The following MAP4K5 variants were observed in gnomAD, a reference collection of about 807,000 sequenced individuals.
MAP4K5 encodes the protein MAPK/ERK kinase kinase kinase 5.
Under a neutral mutation model 135.6 loss-of-function variants are expected in MAP4K5, and 82 were observed. The ratio of observed to expected loss-of-function variants is 0.60; its 90% CI spans 0.51 to 0.73. The LOEUF is 0.73. Ranked by LOEUF, MAP4K5 falls within the 30% of genes least tolerant of loss-of-function variation. The pLI, the probability that MAP4K5 is intolerant of heterozygous loss-of-function variation, is 0.00. For synonymous variants in MAP4K5, 347 were observed against 335.0 expected (o/e 1.04, Z -0.39); for missense variants, 907 against 1,010.9 (o/e 0.90, Z 1.39).
intron 5 of MAP4K5, among the ~76,000 whole-genome samples, chr14:50,485,338 A>G (rs1360057233): frequency 2.0e-5 from 3 of 152,118 alleles, no homozygotes; most frequent in Non-Finnish European, 4.4e-5. Flanking sequence ...TTTCCTAGAG[A>G]TATCTAAAGA....
At chr14:50,516,490 A>ATC (rs776388582) in intron 2 of MAP4K5, among the ~76,000 whole-genome samples, 1 of 152,254 alleles carries the variant, frequency 6.6e-6, no homozygotes, top group Non-Finnish European at 1.5e-5. Flanking sequence ...ATTACTTAGA[A>ATC]TAAGTAGTCA....
chr14:50,503,153 G>A (rs911818042), intron 3 of MAP4K5, among the ~76,000 whole-genome samples: 3 of 151,502 alleles, frequency 2.0e-5, no homozygotes, highest in African/African-American at 4.8e-5. Context: ...TAAAATACAT[G>A]ATGAAGAGTC....
chr14:50,495,147 A>G (rs2037566504), intron 3 of MAP4K5, among the ~76,000 whole-genome samples: 2 of 152,228 alleles, frequency 1.3e-5, no homozygotes, highest in Admixed American at 1.3e-4. Context: ...CCTATAGAAC[A>G]GGAGAAAATA....
intron 2 of MAP4K5, among the ~76,000 whole-genome samples, chr14:50,538,352 G>T (rs1001221425): frequency 6.6e-6 from 1 of 152,140 alleles, no homozygotes; most frequent in Non-Finnish European, 1.5e-5. Flanking sequence ...TCTTGGGTAC[G>T]TCTTTATCAG....
chr14:50,428,203 G>A (rs1214784191), intron 30 of MAP4K5, among the ~76,000 whole-genome samples: 2 of 151,898 alleles, frequency 1.3e-5, no homozygotes, highest in Non-Finnish European at 2.9e-5. Context: ...TCATGTTTCA[G>A]GTGCTTAACA....
At chr14:50,465,372 C>A (rs1027512073) in intron 11 of MAP4K5, among the ~76,000 whole-genome samples, 5 of 152,116 alleles carry the variant, frequency 3.3e-5, no homozygotes, top group African/African-American at 1.2e-4. Context: ...ATTTGCACAG[C>A]TTCTTTTATT....
intron 1 of MAP4K5, chr14:50,560,359 G>A: frequency 6.3e-7 from 1 of 1,594,448 alleles, no homozygotes; most frequent in Non-Finnish European, 8.6e-7. Flanking sequence ...TCCACTTTCT[G>A]CTTCTGTGGA....
intron 9 of MAP4K5, among the ~76,000 whole-genome samples, chr14:50,470,125 A>G (rs2036924880): frequency 6.6e-6 from 1 of 152,204 alleles, no homozygotes. Flanking sequence ...GAAAGCAAAC[A>G]GGATTCATCT....
rs550940426 is a variant in MAP4K5 at position 50,434,429 on chromosome 14, T to C, written c.2129A>G (p.Asn710Ser). 28 of 1,609,608 alleles carry C rather than the reference T, an allele frequency of 1.7e-5. No individual in the cohort carries two copies. The highest frequency in any genetic ancestry group is 2.3e-5 in the Non-Finnish European group (27 of 1,177,920). The change falls in exon 28 of 33, where the codon AAC becomes AGC. Residue 710 changes from asparagine to serine, a missense_variant. This residue lies in a region of MAP4K5 where 690 missense variants were observed against 777.4 expected (regional missense o/e 0.89). Coordinates refer to ENST00000682126, the MANE Select transcript of MAP4K5 (RefSeq NM_006575.6). ...QVVQFETINL[N>S]SASSWFTEIG... Reference sequence around the variant, plus strand: ...TTCTGTAAACCATGAAGATGCAGAGTTCAAATTGATTGTCTCAAACTGAAC... The same window carrying C: ...TTCTGTAAACCATGAAGATGCAGAGCTCAAATTGATTGTCTCAAACTGAAC...
intron 12 of MAP4K5, among the ~76,000 whole-genome samples, 198 bp downstream of exon 12, chr14:50,463,854 G>A (rs1165185961): frequency 7.9e-6 from 1 of 126,350 alleles, no homozygotes; most frequent in Non-Finnish European, 1.6e-5. Flanking sequence ...TCATGCCACT[G>A]CACTCCAGTC....
chr14:50,476,543 T>C (rs1033217095), intron 6 of MAP4K5, among the ~76,000 whole-genome samples: 5 of 152,186 alleles, frequency 3.3e-5, no homozygotes, highest in African/African-American at 1.2e-4. Flanking sequence ...TCACTGCAGC[T>C]GCCATCTCCT....
chr14:50,509,424 T>C (rs997242673), intron 2 of MAP4K5, among the ~76,000 whole-genome samples: 2 of 152,120 alleles, frequency 1.3e-5, no homozygotes, highest in Admixed American at 6.5e-5. Context: ...TTGAAACAGA[T>C]TAACAAAATA....
At chr14:50,540,526 C>A (rs2038547928) in intron 2 of MAP4K5, among the ~76,000 whole-genome samples, 2 of 152,240 alleles carry the variant, frequency 1.3e-5, no homozygotes, top group African/African-American at 4.8e-5. Context: ...GTACTTGTAG[C>A]CTTTTACCAG....
Position 50,482,420 on chromosome 14 carries a change from G to A in MAP4K5, c.323-4C>T, listed in dbSNP as rs1260236792. ...AATTCTGATAATGGTCCAGTAACTA[G>A]AAAGAAAAAGAGACCACATTGTTAT... On this transcript the variant is annotated splice_polypyrimidine_tract_variant and splice_region_variant and intron_variant, in intron 5 of 32. Coordinates refer to ENST00000682126, the MANE Select transcript of MAP4K5 (RefSeq NM_006575.6). 7 of 1,512,230 alleles carry A rather than the reference G, an allele frequency of 4.6e-6. No homozygotes were observed. Among genetic ancestry groups the A allele is most frequent in the Non-Finnish European group, 6.2e-6 (7 of 1,127,440 alleles). The allele number at this position is 1,512,230 out of a possible 1,614,324, so 93.7% of individuals were successfully genotyped here.
At chr14:50,429,152 CA>C in intron 29 of MAP4K5, 39 bp downstream of exon 29, 3 of 1,140,096 alleles carry the variant, frequency 2.6e-6, no homozygotes, top group Non-Finnish European at 3.7e-6. Context: ...ATTGCTTTAT[CA>C]AGTAGTATAC....
At chr14:50,550,030 A>G (rs1326573817) in intron 1 of MAP4K5, among the ~76,000 whole-genome samples, 3 of 152,206 alleles carry the variant, frequency 2.0e-5, no homozygotes, top group Admixed American at 6.5e-5. Flanking sequence ...CGATGGCTAC[A>G]TGGACCTTCA....
intron 11 of MAP4K5, among the ~76,000 whole-genome samples, chr14:50,466,075 C>G (rs2093021): frequency 6.6e-6 from 1 of 152,006 alleles, no homozygotes; most frequent in Non-Finnish European, 1.5e-5. Flanking sequence ...TCCGTCTCCA[C>G]AAAAAAGAAA....
intron 26 of MAP4K5, among the ~76,000 whole-genome samples, chr14:50,436,204 G>A (rs537640980): frequency 1.3e-5 from 2 of 152,230 alleles, no homozygotes; most frequent in East Asian, 3.9e-4. Flanking sequence ...GACACAATCA[G>A]TATTATGGAG....
Position 50,434,385 on chromosome 14 carries a change from A to G in MAP4K5, c.2164+9T>C, listed in dbSNP as rs1382527197. ...ATCAATATTCTAACATAAGGTAAAA[A>G]ATACTTACCTGCACCAATTTCTGTA... On this transcript the variant is annotated intron_variant, in intron 28 of 32. Coordinates refer to ENST00000682126, the MANE Select transcript of MAP4K5 (RefSeq NM_006575.6). 1 of 1,582,864 alleles carries G rather than the reference A, an allele frequency of 6.3e-7. No homozygotes were observed. Among genetic ancestry groups the G allele is most frequent in the Non-Finnish European group, 8.6e-7 (1 of 1,163,524 alleles).
Sources: gnomAD v4.1 joint callset for allele counts (sites outside exome capture counted in the v4.1 genomes callset) on GRCh38, gnomAD v4.1.1 for gene constraint, gnomAD v4.1.1 regional missense constraint, MANE v1.5 for transcripts, NCBI Gene and HGNC (gene_info 2026-07-23, HGNC 2026-07-21) for gene names.